The following PCDHGB1 variants were observed in gnomAD, a reference collection of about 807,000 sequenced individuals.
PCDHGB1 encodes the protein protocadherin gamma subfamily B, 1, also known as protocadherin gamma-B1.
A neutral mutation model predicts 56.6 loss-of-function variants in PCDHGB1; 34 were observed. The ratio of observed to expected loss-of-function variants is 0.60; its 90% CI spans 0.46 to 0.80. PCDHGB1 has a LOEUF of 0.80. Ranked by LOEUF, PCDHGB1 falls within the 30% of genes least tolerant of loss-of-function variation. The pLI is 0.00. For synonymous variants in PCDHGB1, 561 were observed against 505.9 expected (o/e 1.11, Z -1.46); for missense variants, 1,278 against 1,204.6 (o/e 1.06, Z -0.90).
In PCDHGB1 at chr5:141,393,591, C is replaced by T. The variant is rs369860953; in HGVS notation, c.2409+40922C>T. On this transcript the variant is annotated intron_variant, in intron 1 of 3. Coordinates refer to ENST00000523390, the MANE Select transcript of PCDHGB1 (RefSeq NM_018922.3). ...CCTTGAGAACATGCCCCCAGGCACG[C>T]GGCTGCTTACTGTAACAGCCAGCGA... The T allele has an allele frequency of 1.8e-5, 29 of 1,613,882 alleles. No homozygotes were observed. The Middle Eastern group carries it at 4.9e-4, about 28-fold the overall frequency.
intron 1 of PCDHGB1, chr5:141,375,742 G>A: frequency 6.2e-7 from 1 of 1,614,216 alleles, no homozygotes; most frequent in Non-Finnish European, 8.5e-7. Context: ...TGTTTGTGCT[G>A]GACCAGAATG....
intron 1 of PCDHGB1, chr5:141,379,714 A>G (rs1315727028): frequency 6.6e-6 from 1 of 152,154 alleles, no homozygotes; most frequent in African/African-American, 2.4e-5. Flanking sequence ...CCTGGCAGTC[A>G]TGGAATTTGC....
At chr5:141,358,140 A>G (rs1292442005) in intron 1 of PCDHGB1, among the ~76,000 whole-genome samples, 1 of 152,232 alleles carries the variant, frequency 6.6e-6, no homozygotes. Flanking sequence ...CAATGAGCTG[A>G]GATCATGACA....
In PCDHGB1 at chr5:141,454,796, ATTTTT is replaced by A. The variant is rs61612330; in HGVS notation, c.2410-39986_2410-39982del. Among the ~76,000 whole-genome samples the A allele has an allele frequency of 4.9e-3, 378 of 77,354 alleles. 2 individuals carry two copies. Among genetic ancestry groups the A allele is most frequent in the Admixed American group, 9.2e-3 (51 of 5,544 alleles). 50.7% of individuals were successfully genotyped at this position (77,354 alleles called of 152,430 possible). On this transcript the variant is annotated intron_variant, in intron 1 of 3. Coordinates refer to ENST00000523390, the MANE Select transcript of PCDHGB1 (RefSeq NM_018922.3). ...AAGGAAATAATCCTCCATGGTTCTA[ATTTTT>A]TTTTTTTTTTTTTTTTTTTTTTTTG...
rs760056101 is a variant in PCDHGB1, at chr5:141,361,494, A to T, written c.2409+8825A>T. The T allele has an allele frequency of 2.5e-6, 4 of 1,613,976 alleles. No homozygotes were observed. In the East Asian group the frequency reaches 8.9e-5, roughly 36 times the overall value. On this transcript the variant is annotated intron_variant, in intron 1 of 3. Coordinates refer to ENST00000523390, the MANE Select transcript of PCDHGB1 (RefSeq NM_018922.3). ...TCAACGATAATGCCCCAGTTTTCCA[A>T]CAGACTTCCTACATGGTTCACGTGG...
chr5:141,374,413 C>G (rs773364230), intron 1 of PCDHGB1: 3 of 1,613,856 alleles, frequency 1.9e-6, no homozygotes, highest in Admixed American at 3.3e-5. Context: ...ACATCCTTGT[C>G]GAGGATAAAC....
chr5:141,372,755 G>A (rs942442162), intron 1 of PCDHGB1: 3 of 1,613,064 alleles, frequency 1.9e-6, no homozygotes, highest in Middle Eastern at 1.6e-4. Context: ...AAGCCTCTTG[G>A]TTTGAAAGTA....
At chr5:141,419,729 G>A in intron 1 of PCDHGB1, 1 of 1,613,758 alleles carries the variant, frequency 6.2e-7, no homozygotes, top group Non-Finnish European at 8.5e-7. Context: ...GCTGCGAACA[G>A]GCGAGGTGCG....
intron 1 of PCDHGB1, chr5:141,384,324 T>G (rs373247436): frequency 1.9e-6 from 3 of 1,613,744 alleles, no homozygotes; most frequent in Non-Finnish European, 2.5e-6. Context: ...TCTTAGTGAC[T>G]GCACAGGACC....
chr5:141,478,307 G>T, intron 1 of PCDHGB1: 3 of 1,614,056 alleles, frequency 1.9e-6, no homozygotes, highest in Non-Finnish European at 2.5e-6. Context: ...CCGAGCCCCG[G>T]TGAGCTCACT....
At chr5:141,410,177 A>G in intron 1 of PCDHGB1, 1 of 1,613,626 alleles carries the variant, frequency 6.2e-7, no homozygotes, top group Non-Finnish European at 8.5e-7. Context: ...TGCCACCGCC[A>G]CGCTTCATCT....
chr5:141,372,752 T>C (rs746659165), intron 1 of PCDHGB1: 9 of 1,613,300 alleles, frequency 5.6e-6, no homozygotes, highest in Non-Finnish European at 7.6e-6. Flanking sequence ...ATGAAGCCTC[T>C]TGGTTTGAAA....
At chr5:141,389,008 G>A in intron 1 of PCDHGB1, 1 of 1,613,992 alleles carries the variant, frequency 6.2e-7, no homozygotes. Flanking sequence ...AAGGATTCCA[G>A]ACACAATGGA....
chr5:141,388,868 A>G lies in PCDHGB1; in HGVS notation c.2409+36199A>G, dbSNP rs138074064. On this transcript the variant is annotated intron_variant, in intron 1 of 3. Transcript: ENST00000523390. The stretch of plus-strand genomic sequence containing the variant: ...GGGACGGTGGAGGAATGATTGCGCA[A>G]TGCACAGTGGAGGTAGAAGTCATAG... 208 of 1,613,992 alleles carry G rather than the reference A, an allele frequency of 1.3e-4. 2 individuals are homozygous for G. In the African/African-American group the frequency reaches 2.5e-3, roughly 19 times the overall value.
intron 1 of PCDHGB1, chr5:141,374,140 C>T: frequency 6.2e-7 from 1 of 1,609,666 alleles, no homozygotes; most frequent in South Asian, 1.1e-5. Flanking sequence ...TCCTCACGCT[C>T]CTGGGGACGC....
chr5:141,401,215 G>A (rs371927686), intron 1 of PCDHGB1, among the ~76,000 whole-genome samples: 9 of 152,158 alleles, frequency 5.9e-5, no homozygotes, highest in African/African-American at 9.6e-5. Context: ...GGTGGCGGGC[G>A]CCTGTAATCC....
chr5:141,387,851 C>T, intron 1 of PCDHGB1: 5 of 1,596,536 alleles, frequency 3.1e-6, no homozygotes, highest in Non-Finnish European at 4.3e-6. Flanking sequence ...CCGGCGTCTC[C>T]AGGCTGGTGA....
chr5:141,430,756 A>G (rs747363475), intron 1 of PCDHGB1: 1 of 1,503,228 alleles, frequency 6.7e-7, no homozygotes, highest in Non-Finnish European at 8.9e-7. Flanking sequence ...GGAGGAAGAT[A>G]AGAATGATTC....
chr5:141,473,680 C>T (rs888876529), intron 1 of PCDHGB1, among the ~76,000 whole-genome samples: 3 of 152,100 alleles, frequency 2.0e-5, no homozygotes, highest in Non-Finnish European at 2.9e-5. Flanking sequence ...CAGGGAAGGG[C>T]TGGGGTTCTG....
Sources: allele counts gnomAD v4.1 joint callset (sites outside exome capture counted in the v4.1 genomes callset), GRCh38; gene constraint gnomAD v4.1.1; transcripts MANE v1.5; gene names NCBI Gene and HGNC (gene_info 2026-07-23, HGNC 2026-07-21).